Variants in TAOK2 observed in about 807,000 individuals in gnomAD.
TAOK2 encodes the protein TAO kinase 2.
In TAOK2, 42 loss-of-function variants were observed where a neutral mutation model predicts 122.5. That is an observed-to-expected ratio of 0.34 (90% confidence interval 0.27 to 0.44). TAOK2 has a LOEUF of 0.44. Among genes scored for constraint, TAOK2 ranks in the 20% least tolerant of loss-of-function variants. The pLI is 1.00. For synonymous variants in TAOK2, 704 were observed against 677.6 expected (o/e 1.04, Z -0.61); for missense variants, 1,264 against 1,644.9 (o/e 0.77, Z 4.01).
chr16:29,978,043 C>T (rs745417668), intron 2 of TAOK2, 46 bp from the exon 3 acceptor site: 2 of 1,612,930 alleles, frequency 1.2e-6, no homozygotes, highest in East Asian at 2.2e-5. Flanking sequence ...CTTCCCATGC[C>T]CGGCTCTCAA....
At chr16:29,977,989 C>T in intron 2 of TAOK2, 85 bp downstream of exon 2, 1 of 1,611,442 alleles carries the variant, frequency 6.2e-7, no homozygotes, top group Admixed American at 1.7e-5. Flanking sequence ...CACACTACTC[C>T]ATCACACTGG....
chr16:29,985,191 C>G lies in TAOK2; in HGVS notation c.1423-22C>G. On this transcript the variant is annotated intron_variant, in intron 13 of 15. Transcript: ENST00000308893. The surrounding 1 kb of genome is among the most constrained non-coding windows in gnomAD (Gnocchi z 6.9). ...CTAGGGGCCAGGCTGAGCCCCAGCTCTCACCCTCTCTCCTTCCCCAGGTCA... is the reference window on the plus strand; with the variant it reads ...CTAGGGGCCAGGCTGAGCCCCAGCTGTCACCCTCTCTCCTTCCCCAGGTCA... 1 of 1,492,690 alleles carries G rather than the reference C, an allele frequency of 6.7e-7. No individual in the cohort carries two copies. The highest frequency in any genetic ancestry group is 8.9e-7 in the Non-Finnish European group (1 of 1,120,218). 92.5% of individuals were successfully genotyped at this position (1,492,690 alleles called of 1,614,324 possible). A position where few individuals can be genotyped will look rare whatever the true frequency, so the allele number is the denominator to read the frequency against.
chr16:29,977,221 C>T (rs959649136), intron 1 of TAOK2, among the ~76,000 whole-genome samples: 1 of 152,120 alleles, frequency 6.6e-6, no homozygotes, highest in Admixed American at 6.5e-5. Flanking sequence ...TGGGCCAGTA[C>T]CCACTTCTAA....
intron 12 of TAOK2, 52 bp downstream of exon 12, chr16:29,983,384 G>T: frequency 6.4e-7 from 1 of 1,562,530 alleles, no homozygotes; most frequent in Non-Finnish European, 8.6e-7. Flanking sequence ...GAACTGCCTG[G>T]GTCTTCGCCC....
At position 29,982,734 on chromosome 16, in the gene TAOK2, C is replaced by G; in HGVS notation, c.832C>G (p.His278Asp). 6.2e-7 allele frequency: 1 copy of G among 1,612,386 alleles called. No homozygotes were observed. The part of the protein sequence containing the change: ...DRPTSEVLLK[H>D]RFVLRERPPT... ...AGACCTCAGTGCCCTCTTCCCCCAG[C>G]ACCGCTTTGTGCTCCGGGAGCGGCC... The change falls in exon 11 of 16, where the codon CAC (histidine) becomes GAC (aspartate). Residue 278 changes from histidine (H) to aspartate (D), a missense_variant and splice_region_variant. Physicochemically the swap from His to Asp is moderately conservative, Grantham distance 81 (BLOSUM62 -1). Coordinates refer to ENST00000308893, the MANE Select transcript of TAOK2 (RefSeq NM_016151.4).
At chr16:29,991,499 C>T (rs750961912), downstream of TAOK2, 31 of 1,478,468 alleles carry the variant, frequency 2.1e-5, no homozygotes, top group African/African-American at 1.3e-4. The surrounding 1 kb of genome is among the most constrained non-coding windows in gnomAD (Gnocchi z 5.6). Flanking sequence ...CCGCGGTGCC[C>T]GGGCCCCTGA....
intron 2 of TAOK2, 61 bp from the exon 3 acceptor site, chr16:29,978,028 C>T: frequency 1.2e-6 from 2 of 1,612,148 alleles, no homozygotes; most frequent in South Asian, 2.2e-5. Flanking sequence ...GCTGGGCCAG[C>T]AAGTCTTCCC....
intron 8 of TAOK2, chr16:29,981,312 C>T: frequency 1.8e-6 from 1 of 546,304 alleles, no homozygotes; most frequent in South Asian, 2.7e-5. Flanking sequence ...GGGCCTAATT[C>T]TTGTTTTTAT....
rs796264982 is a variant in TAOK2 at position 29,988,253 on chromosome 16, GGGCCAGGGGT to G, written c.*276_*285del. 424 of 1,462,470 alleles carry G rather than the reference GGGCCAGGGGT, an allele frequency of 2.9e-4. 4 individuals are homozygous for G. The South Asian group carries it at 5.7e-3, about 20-fold the overall frequency. 90.6% of individuals were successfully genotyped at this position (1,462,470 alleles called of 1,614,324 possible). ...CCTCACCCTCATTGACTCAGGCCTGGGGCCAGGGGTGGTGGAGGGTGGGAAGAGTCATGTT... is the reference window on the plus strand; with the variant it reads ...CCTCACCCTCATTGACTCAGGCCTGGGGTGGAGGGTGGGAAGAGTCATGTT... On this transcript the variant is annotated 3_prime_UTR_variant, in exon 16 of 16. Coordinates refer to ENST00000308893, the MANE Select transcript of TAOK2 (RefSeq NM_016151.4).
downstream of TAOK2, chr16:29,989,831 G>C: frequency 6.2e-7 from 1 of 1,608,628 alleles, no homozygotes; most frequent in Non-Finnish European, 8.5e-7. Flanking sequence ...CAGGGAGGGA[G>C]TGCGCTAGAG....
rs1295472205 is a variant in TAOK2 at position 29,985,353 on chromosome 16, T to C, written c.1563T>C (p.Ser521=). 2 of 1,611,660 alleles carry C rather than the reference T, an allele frequency of 1.2e-6. No individual in the cohort carries two copies. The highest frequency in any genetic ancestry group is 1.7e-6 in the Non-Finnish European group (2 of 1,178,734). Reference sequence around the variant, plus strand: ...TGAGGGGTGAACGGGAGGAGCACAGTGCACGGCTGCAGCGGGAGCTTGAGG... The same window carrying C: ...TGAGGGGTGAACGGGAGGAGCACAGCGCACGGCTGCAGCGGGAGCTTGAGG... ...SRLRGEREEH[S]ARLQRELEAQ... Residue 521 remains serine, a synonymous_variant, in exon 14 of 16, where the codon AGT becomes AGC. Transcript: ENST00000308893. The surrounding 1 kb of genome is among the most constrained non-coding windows in gnomAD (Gnocchi z 6.9).
chr16:29,990,036 C>A (rs945867910), downstream of TAOK2: 3 of 499,820 alleles, frequency 6.0e-6, no homozygotes, highest in Admixed American at 3.4e-5. Context: ...TGTGCCTATT[C>A]CCAAGAACCA....
At chr16:29,976,354 C>T (rs1425198575) in intron 1 of TAOK2, among the ~76,000 whole-genome samples, 1 of 152,218 alleles carries the variant, frequency 6.6e-6, no homozygotes, top group Non-Finnish European at 1.5e-5. Context: ...TATTCTGAGC[C>T]CTCTGCACCC....
At chr16:29,988,432 C>A, downstream of TAOK2, 1 of 1,283,742 alleles carries the variant, frequency 7.8e-7, no homozygotes, top group Non-Finnish European at 1.0e-6. Flanking sequence ...CTGCTTTGTC[C>A]TGCCGCCTAG....
downstream of TAOK2, chr16:29,989,191 C>G (rs964398496): frequency 3.0e-6 from 3 of 985,236 alleles, no homozygotes; most frequent in Non-Finnish European, 3.6e-6. Context: ...GCTTCTGTCT[C>G]TAGGTCACAG....
chr16:29,988,213 G>T lies in TAOK2; in HGVS notation c.*233G>T. 7.0e-7 allele frequency: 1 copy of T among 1,432,264 alleles called. No homozygotes were observed. The highest frequency in any genetic ancestry group is 9.1e-7 in the Non-Finnish European group (1 of 1,098,458). The allele number at this position is 1,432,264 out of a possible 1,614,324, so 88.7% of individuals were successfully genotyped here. On this transcript the variant is annotated 3_prime_UTR_variant, in exon 16 of 16. Coordinates refer to ENST00000308893, the MANE Select transcript of TAOK2 (RefSeq NM_016151.4). ...TCCCCTAAGTTATTGCTGTTCGCCC[G>T]CTGTGTGTGCTCATCCTCACCCTCA...
At chr16:29,990,177 T>C (rs1310135744), downstream of TAOK2, 3 of 226,576 alleles carry the variant, frequency 1.3e-5, no homozygotes, top group South Asian at 6.9e-5. Flanking sequence ...TGAAAGTTGC[T>C]GTTCTAAAAA....
At chr16:29,977,717 G>T (rs1210899597) in intron 1 of TAOK2, 21 bp from the exon 2 acceptor site, 2 of 1,600,714 alleles carry the variant, frequency 1.2e-6, no homozygotes, top group Non-Finnish European at 1.7e-6. Flanking sequence ...GATCTCTAAG[G>T]GTCCCATTTC....
In TAOK2 at chr16:29,986,616, G is replaced by C. The variant is rs750589804; in HGVS notation, c.2344G>C (p.Ala782Pro). The C allele has an allele frequency of 1.9e-6, 3 of 1,612,798 alleles. No homozygotes were observed. Among genetic ancestry groups the C allele is most frequent in the Non-Finnish European group, 1.7e-6 (2 of 1,179,438 alleles). The change falls in exon 16 of 16, where the codon GCA becomes CCA. Residue 782 changes from alanine (A) to proline (P), a missense_variant. Transcript: ENST00000308893. This position sits in a 1 kb window ranked among gnomAD's most constrained non-coding sequence, Gnocchi z 4.2. ...GCAGCCCTGCTCACCTGGCCAGGAG[G>C]CAGTCCTGGACCAAAGAATGCTTGG... is the stretch of plus-strand genomic sequence containing the variant. ...EQQPCSPGQE[A>P]VLDQRMLGEE...
Sources: allele counts gnomAD v4.1 joint callset (sites outside exome capture counted in the v4.1 genomes callset), GRCh38; gene constraint gnomAD v4.1.1; non-coding constraint Gnocchi (gnomAD v3.1); transcripts MANE v1.5; gene names NCBI Gene and HGNC (gene_info 2026-07-23, HGNC 2026-07-21).